The following VPS39 variants were observed in gnomAD, a reference collection of about 807,000 sequenced individuals.
VPS39 encodes vam6/Vps39-like protein.
Under a neutral mutation model 121.0 loss-of-function variants are expected in VPS39, and 70 were observed. The observed-to-expected ratio is 0.58, with a 90% CI of 0.48 to 0.71. The LOEUF (loss-of-function observed/expected upper bound fraction) is 0.71. Among genes scored for constraint, VPS39 ranks in the 30% least tolerant of loss-of-function variants. The probability of loss-of-function intolerance (pLI) is 0.00; values close to 1 mark genes in which losing one functional copy is unlikely to be tolerated. For missense variants in VPS39, 818 were observed against 1,051.5 expected, an observed-to-expected ratio of 0.78 and a Z score of 3.07; for synonymous variants, 378 against 398.1, an observed-to-expected ratio of 0.95 and a Z score of 0.60.
chr15:42,189,935 T>C (rs1159886940), intron 4 of VPS39, among the ~76,000 whole-genome samples: 1 of 149,934 alleles, frequency 6.7e-6, no homozygotes, highest in Non-Finnish European at 1.5e-5. Context: ...TACCTCAGCC[T>C]CCTGAGTAGC....
intron 1 of VPS39, among the ~76,000 whole-genome samples, chr15:42,205,090 C>G (rs1275710561): frequency 6.6e-6 from 1 of 152,014 alleles, no homozygotes; most frequent in East Asian, 1.9e-4. Flanking sequence ...TTAACAACTG[C>G]AAGCTATTAC....
intron 16 of VPS39, 85 bp downstream of exon 16, chr15:42,166,074 C>T: frequency 7.4e-7 from 1 of 1,349,964 alleles, no homozygotes; most frequent in Non-Finnish European, 1.1e-6. Flanking sequence ...TGCATGAATC[C>T]ACCCTCCTCT....
In VPS39 at chr15:42,178,464, G is replaced by C. The variant is rs376627264; in HGVS notation, c.825C>G (p.Phe275Leu). ...AAATTCCTTACCCTCCTGAGGTAAT[G>C]AAACGGGGCCTTTGCAATTCAATGC... The part of the protein sequence containing the change: ...VQSIELQRPR[F>L]ITSGGSNIIY... The change falls in exon 9 of 25, where the codon TTC becomes TTG. Residue 275 changes from phenylalanine to leucine, a missense_variant. By Grantham distance (22) the Phe-to-Leu change is conservative. Coordinates refer to ENST00000318006, the MANE Select transcript of VPS39 (RefSeq NM_015289.5). 3.7e-6 allele frequency: 6 copies of C among 1,614,102 alleles called. No individual in the cohort carries two copies. The African/African-American group carries it at 6.7e-5, about 18-fold the overall frequency.
At chr15:42,194,663 TTATAGGTTGC>T (rs1008672611) in intron 2 of VPS39, among the ~76,000 whole-genome samples, 20 of 151,588 alleles carry the variant, frequency 1.3e-4, no homozygotes, top group African/African-American at 4.8e-4. Context: ...AGCCTAGGAG[TTATAGGTTGC>T]AGTGAGTCAT....
chr15:42,198,650 A>G (rs983699484), intron 2 of VPS39, among the ~76,000 whole-genome samples: 3 of 152,206 alleles, frequency 2.0e-5, no homozygotes, highest in Non-Finnish European at 2.9e-5. Flanking sequence ...ATGAGAATTA[A>G]AAATTTAAAA....
intron 2 of VPS39, among the ~76,000 whole-genome samples, chr15:42,192,795 T>C (rs190227376): frequency 1.1e-3 from 160 of 152,312 alleles, no homozygotes; most frequent in Non-Finnish European, 1.8e-3. Context: ...TTGTTTTTTT[T>C]TGAGACAGAG....
intron 8 of VPS39, among the ~76,000 whole-genome samples, chr15:42,179,615 AAATAAAT>A (rs2049536960): frequency 7.1e-6 from 1 of 140,152 alleles, no homozygotes; most frequent in Non-Finnish European, 1.5e-5. Context: ...ATAAATAAAT[AAATAAAT>A]AAAATAAAAA....
intron 2 of VPS39, among the ~76,000 whole-genome samples, chr15:42,194,257 T>A (rs1380809392): frequency 2.3e-5 from 3 of 132,010 alleles, no homozygotes; most frequent in Non-Finnish European, 5.1e-5. Context: ...GTAGATCACC[T>A]GAGGTCAGGA....
At position 42,165,116 on chromosome 15, in the gene VPS39, G is replaced by A. The variant is rs1340026727; in HGVS notation, c.1780-3C>T. ...TCCCAAACATGGATGATGTGTTCCT[G>A]AGGCAAGATGTAGGTCTTTGTCACT... On this transcript the variant is annotated splice_region_variant and splice_polypyrimidine_tract_variant and intron_variant, in intron 17 of 24. Transcript: ENST00000318006. The A allele has an allele frequency of 3.7e-6, 6 of 1,613,790 alleles. No individual in the cohort carries two copies. Among genetic ancestry groups the A allele is most frequent in the South Asian group, 2.2e-5 (2 of 91,082 alleles).
intron 2 of VPS39, chr15:42,199,479 A>G: frequency 2.5e-6 from 1 of 398,690 alleles, no homozygotes; most frequent in South Asian, 1.8e-5. Flanking sequence ...TTCTTGTTCT[A>G]CCCCTCATAA....
At chr15:42,201,140 T>C (rs951939248) in intron 1 of VPS39, among the ~76,000 whole-genome samples, 5 of 152,000 alleles carry the variant, frequency 3.3e-5, no homozygotes, top group Non-Finnish European at 2.9e-5. Context: ...CATAACTCTG[T>C]GAATGTACTA....
In VPS39 at chr15:42,158,826, G is replaced by A. The variant is rs2049074378; in HGVS notation, c.*1928C>T. 1 of 152,270 alleles carries A rather than the reference G, an allele frequency of 6.6e-6. No individual in the cohort carries two copies. Among genetic ancestry groups the A allele is most frequent in the African/African-American group, 2.4e-5 (1 of 41,460 alleles). The allele number at this position is 152,270 out of a possible 1,614,324, so 9.4% of individuals were successfully genotyped here. A position where few individuals can be genotyped will look rare whatever the true frequency, so the allele number is the denominator to read the frequency against. ...CTCTGTGGAGGGCAGAGAGTTGAGG[G>A]AAGGAAGAATGGAGCTTGGGAGCAT... On this transcript the variant is annotated 3_prime_UTR_variant, in exon 25 of 25. Coordinates refer to ENST00000318006, the MANE Select transcript of VPS39 (RefSeq NM_015289.5).
chr15:42,166,550 A>G lies in VPS39; in HGVS notation c.1606+13T>C. 8 of 1,614,076 alleles carry G rather than the reference A, an allele frequency of 5.0e-6. No homozygotes were observed. Among genetic ancestry groups the G allele is most frequent in the Non-Finnish European group, 5.9e-6 (7 of 1,179,968 alleles). ...AGGAGCGCTTTCCCACCCCTTTCAA[A>G]AGGCGGACTTACCCAGATGCTGCAG... On this transcript the variant is annotated intron_variant, in intron 15 of 24. Transcript: ENST00000318006.
chr15:42,187,743 G>A lies in VPS39; in HGVS notation c.441+15C>T, dbSNP rs1338788178. ...AGCTCCCACCCAACCATGGACCAAG[G>A]AACAGTGGACTTACCTGCAATTCAT... On this transcript the variant is annotated intron_variant, in intron 6 of 24. Coordinates refer to ENST00000318006, the MANE Select transcript of VPS39 (RefSeq NM_015289.5). The A allele has an allele frequency of 6.2e-7, 1 of 1,613,494 alleles. No homozygotes were observed. The highest frequency in any genetic ancestry group is 1.7e-5 in the Admixed American group (1 of 60,004).
chr15:42,180,608 G>A (rs905196069), intron 8 of VPS39, among the ~76,000 whole-genome samples: 1 of 152,138 alleles, frequency 6.6e-6, no homozygotes, highest in Non-Finnish European at 1.5e-5. Flanking sequence ...AGGGAATTTA[G>A]AAAATAAGCA....
chr15:42,193,653 G>A (rs564513515), intron 2 of VPS39, among the ~76,000 whole-genome samples: 3 of 152,134 alleles, frequency 2.0e-5, no homozygotes, highest in South Asian at 4.2e-4. Context: ...TTCATTATAG[G>A]ATGTTAAAAA....
chr15:42,205,306 T>C (rs747330780), intron 1 of VPS39, among the ~76,000 whole-genome samples: 5 of 152,210 alleles, frequency 3.3e-5, no homozygotes, highest in Non-Finnish European at 5.9e-5. Context: ...AAGATAAGGC[T>C]AAGAAAACAG....
chr15:42,196,748 TTGTGG>T (rs2049948849), intron 2 of VPS39, among the ~76,000 whole-genome samples: 1 of 152,164 alleles, frequency 6.6e-6, no homozygotes, highest in South Asian at 2.1e-4. Flanking sequence ...AGTTCAACCA[TTGTGG>T]AAGACAGTGT....
At chr15:42,185,178 CTTTTTTT>C (rs34792839) in intron 7 of VPS39, among the ~76,000 whole-genome samples, 1 of 136,246 alleles carries the variant, frequency 7.3e-6, no homozygotes, top group Non-Finnish European at 1.6e-5. Flanking sequence ...TTGAAAACAA[CTTTTTTT>C]TTTTTTTTTT....
Sources: allele counts gnomAD v4.1 joint callset (sites outside exome capture counted in the v4.1 genomes callset), GRCh38; gene constraint gnomAD v4.1.1; transcripts MANE v1.5; gene names NCBI Gene and HGNC (gene_info 2026-07-23, HGNC 2026-07-21).